Variants in DNAJC11 observed in about 807,000 individuals in gnomAD.
The protein encoded by DNAJC11 is DnaJ heat shock protein family (Hsp40) member C11, also known as dnaJ homolog subfamily C member 11.
DNAJC11 carries 15 observed loss-of-function variants against 78.6 expected under a neutral mutation model. The ratio of observed to expected loss-of-function variants is 0.19; its 90% CI spans 0.13 to 0.29. The LOEUF is 0.29. Among genes scored for constraint, DNAJC11 ranks in the 10% least tolerant of loss-of-function variants. DNAJC11 has a pLI of 1.00. For missense variants in DNAJC11, 547 were observed against 709.6 expected (o/e 0.77, Z 2.60); for synonymous variants, 292 against 272.1 (o/e 1.07, Z -0.72).
chr1:6,650,409 C>T (rs1343645657), intron 7 of DNAJC11, among the ~76,000 whole-genome samples: 1 of 151,986 alleles, frequency 6.6e-6, no homozygotes. Context: ...CTAAAAAAAA[C>T]TAAACAATGA....
intron 4 of DNAJC11, among the ~76,000 whole-genome samples, chr1:6,664,497 C>G (rs1303391063): frequency 1.3e-5 from 2 of 152,160 alleles, no homozygotes; most frequent in African/African-American, 4.8e-5. Flanking sequence ...CTCGGCCTCC[C>G]AAAGTGCTGG....
intron 12 of DNAJC11, 187 bp downstream of exon 12, chr1:6,638,108 C>G: frequency 1.9e-6 from 1 of 520,672 alleles, no homozygotes; most frequent in Non-Finnish European, 3.3e-6. Context: ...CTTGTTAGGC[C>G]TTTGGAGGGT....
At chr1:6,636,304 C>T (rs1176745195) in intron 14 of DNAJC11, 58 bp from the exon 15 acceptor site, 3 of 1,601,114 alleles carry the variant, frequency 1.9e-6, no homozygotes, top group Non-Finnish European at 2.6e-6. Flanking sequence ...CAGCACTCCT[C>T]CTCACTACCA....
chr1:6,637,333 G>A lies in DNAJC11; in HGVS notation c.1389C>T (p.Ile463=). Residue 463 remains isoleucine (I), a synonymous_variant, in exon 14 of 16, where the codon ATC becomes ATT. Transcript: ENST00000377577. ...ACTTCCCGTACCAGGCATTGACGATGATGAGGCCTAAGGACAGACTCCGAG... is the reference window on the plus strand; with the variant it reads ...ACTTCCCGTACCAGGCATTGACGATAATGAGGCCTAAGGACAGACTCCGAG... The part of the protein sequence containing the change: ...IEAEESRMGL[I]IVNAWYGKFV... The A allele has an allele frequency of 6.2e-7, 1 of 1,614,226 alleles. No individual in the cohort carries two copies. The highest frequency in any genetic ancestry group is 1.1e-5 in the South Asian group (1 of 91,082).
chr1:6,656,346 A>G (rs1186138883), intron 4 of DNAJC11, among the ~76,000 whole-genome samples: 3 of 152,100 alleles, frequency 2.0e-5, no homozygotes, highest in Non-Finnish European at 4.4e-5. Context: ...AATGAAATGG[A>G]ATTGAAAAGG....
At chr1:6,696,039 T>G (rs1399887814) in intron 1 of DNAJC11, among the ~76,000 whole-genome samples, 1 of 152,230 alleles carries the variant, frequency 6.6e-6, no homozygotes, top group East Asian at 1.9e-4. Flanking sequence ...GCAGGCAGCA[T>G]GGGCTGAAAT....
rs6804 is a variant in DNAJC11, at chr1:6,634,514, G to A, written c.*1161C>T. On this transcript the variant is annotated 3_prime_UTR_variant, in exon 16 of 16. Transcript: ENST00000377577. ...AGGCCGGCGCAGCTTGGGGCCCCCC[G>A]CGCCAGCTGTCTCAGCCACCACCTG... 469,338 of 1,351,580 alleles carry A rather than the reference G, an allele frequency of 0.35. 83,103 individuals carry two copies. The highest frequency in any genetic ancestry group is 0.46 in the South Asian group (39,560 of 85,650). The allele number at this position is 1,351,580 out of a possible 1,614,324, so 83.7% of individuals were successfully genotyped here.
Position 6,634,365 on chromosome 1 carries a change from A to G in DNAJC11, c.*1310T>C. The G allele has an allele frequency of 9.0e-7, 1 of 1,105,440 alleles. No homozygotes were observed. Among genetic ancestry groups the G allele is most frequent in the African/African-American group, 1.6e-5 (1 of 63,144 alleles). 68.5% of individuals were successfully genotyped at this position (1,105,440 alleles called of 1,614,324 possible). A position where few individuals can be genotyped will look rare whatever the true frequency, so the allele number is the denominator to read the frequency against. On this transcript the variant is annotated 3_prime_UTR_variant, in exon 16 of 16. Transcript: ENST00000377577. Reference sequence around the variant, plus strand: ...AAACCTTTTTAAAAAATGGAGATGAATGTTACAGAATTGGACAACCCGAAC... The same window carrying G: ...AAACCTTTTTAAAAAATGGAGATGAGTGTTACAGAATTGGACAACCCGAAC...
intron 1 of DNAJC11, among the ~76,000 whole-genome samples, chr1:6,683,877 T>C (rs1000366221): frequency 3.9e-5 from 6 of 152,198 alleles, no homozygotes; most frequent in Non-Finnish European, 5.9e-5. Flanking sequence ...CTCTGCATTT[T>C]CTCCTTTTTC....
At chr1:6,651,303 G>A in intron 7 of DNAJC11, 1 of 658,488 alleles carries the variant, frequency 1.5e-6, no homozygotes, top group Non-Finnish European at 2.8e-6. Flanking sequence ...CCTGGATGGT[G>A]CAGCCTGGCC....
In DNAJC11 at chr1:6,638,328, A is replaced by T; in HGVS notation, c.1290T>A (p.Asp430Glu). 1 of 1,613,566 alleles carries T rather than the reference A, an allele frequency of 6.2e-7. No individual in the cohort carries two copies. The highest frequency in any genetic ancestry group is 2.2e-5 in the East Asian group (1 of 44,850). Residue 430 changes from aspartate (D) to glutamate (E), a missense_variant, in exon 12 of 16, where the codon GAT becomes GAA. Coordinates refer to ENST00000377577, the MANE Select transcript of DNAJC11 (RefSeq NM_018198.4). ...CCGCCTCTTGCTTCTTCTGCAGCAC[A>T]TCGGTGGCGGCGCTTTCCCTCTGCT... is the stretch of plus-strand genomic sequence containing the variant. ...LEKQRESAATDVLQKKQEAES... is the reference protein window; with the variant it reads ...LEKQRESAATEVLQKKQEAES...
In DNAJC11 at chr1:6,641,406, T is replaced by TAC. The variant is rs70981395; in HGVS notation, c.1098-1351_1098-1350dup. ...AAAAAAAAAAATATATATATATATA[T>TAC]ACACACACACACACACACACACACA... On this transcript the variant is annotated intron_variant, in intron 10 of 15. Transcript: ENST00000377577. 5.0e-3 allele frequency among the ~76,000 whole-genome samples: 699 copies of TAC among 140,072 alleles called. 6 individuals are homozygous for TAC. The highest frequency in any genetic ancestry group is 0.048 in the East Asian group (238 of 4,974). 91.9% of individuals were successfully genotyped at this position (140,072 alleles called of 152,430 possible).
chr1:6,638,454 G>C (rs1229349728), intron 11 of DNAJC11, 90 bp from the exon 12 acceptor site: 2 of 1,259,678 alleles, frequency 1.6e-6, no homozygotes, highest in Non-Finnish European at 1.1e-6. Context: ...CCCGAGCCCA[G>C]CAAACAGTCT....
At chr1:6,672,400 A>G (rs1371791253) in intron 3 of DNAJC11, among the ~76,000 whole-genome samples, 1 of 152,204 alleles carries the variant, frequency 6.6e-6, no homozygotes, top group Non-Finnish European at 1.5e-5. Context: ...GAAAAGATTC[A>G]TTTTCAGGAA....
rs140200378 is a variant in DNAJC11, at chr1:6,648,872, C to T, written c.704+2657G>A. ...GCTGTTCTCTTCTAAGTATGAATCCCGGTCCCCTTTGCAGACCCAGTAGGT... is the reference window on the plus strand; with the variant it reads ...GCTGTTCTCTTCTAAGTATGAATCCTGGTCCCCTTTGCAGACCCAGTAGGT... On this transcript the variant is annotated intron_variant, in intron 7 of 15. Transcript: ENST00000377577. Among the ~76,000 whole-genome samples, 23 of 152,284 alleles carry T rather than the reference C, an allele frequency of 1.5e-4. No homozygotes were observed. The East Asian group carries it at 1.5e-3, about 10-fold the overall frequency.
intron 7 of DNAJC11, 141 bp downstream of exon 7, chr1:6,651,388 G>C: frequency 1.4e-6 from 1 of 739,314 alleles, no homozygotes; most frequent in Non-Finnish European, 2.3e-6. Flanking sequence ...TCACGCCAGT[G>C]CTATACCTGC....
chr1:6,654,587 C>T (rs1642100907), intron 4 of DNAJC11, among the ~76,000 whole-genome samples: 1 of 152,164 alleles, frequency 6.6e-6, no homozygotes, highest in African/African-American at 2.4e-5. Flanking sequence ...ACTGTATTTG[C>T]TCAAGGAATT....
chr1:6,678,535 G>C lies in DNAJC11; in HGVS notation c.203-68C>G, dbSNP rs1642506360. ...ACCTTCAGTCCTTCCTGAGAATACT[G>C]ACATCATTAGGTAAGCCCATCTCCT... On this transcript the variant is annotated intron_variant, in intron 2 of 15. Coordinates refer to ENST00000377577, the MANE Select transcript of DNAJC11 (RefSeq NM_018198.4). The C allele has an allele frequency of 1.1e-5, 14 of 1,296,128 alleles. No homozygotes were observed. The South Asian group carries it at 1.7e-4, about 16-fold the overall frequency. 80.3% of individuals were successfully genotyped at this position (1,296,128 alleles called of 1,614,324 possible).
chr1:6,649,708 C>CT (rs1557470711), intron 7 of DNAJC11, among the ~76,000 whole-genome samples: 1 of 151,232 alleles, frequency 6.6e-6, no homozygotes, highest in African/African-American at 2.4e-5. Context: ...AGTGTAATAA[C>CT]TAACTTTTTT....
Sources: allele counts gnomAD v4.1 joint callset (sites outside exome capture counted in the v4.1 genomes callset), GRCh38; gene constraint gnomAD v4.1.1; transcripts MANE v1.5; gene names NCBI Gene and HGNC (gene_info 2026-07-23, HGNC 2026-07-21).